The following ADGRB3 variants were observed in gnomAD, a reference collection of about 807,000 sequenced individuals.
The protein encoded by ADGRB3 is brain-specific angiogenesis inhibitor 3.
ADGRB3 carries 37 observed loss-of-function variants against 193.4 expected under a neutral mutation model. The observed-to-expected ratio is 0.19, with a 90% CI of 0.15 to 0.25. The LOEUF is 0.25. Among genes scored for constraint, ADGRB3 ranks in the 10% least tolerant of loss-of-function variants. ADGRB3 has a pLI of 1.00. For missense variants in ADGRB3, 1,637 were observed against 1,852.9 expected (o/e 0.88, Z 2.14); for synonymous variants, 690 against 644.2 (o/e 1.07, Z -1.08).
intron 11 of ADGRB3, among the ~76,000 whole-genome samples, chr6:69,005,122 G>A (rs1025175251): frequency 6.6e-6 from 1 of 152,036 alleles, no homozygotes; most frequent in East Asian, 1.9e-4. Flanking sequence ...AACATTGGGT[G>A]TTCTCCCAGG....
intron 26 of ADGRB3, among the ~76,000 whole-genome samples, chr6:69,351,164 G>A (rs776375141): frequency 2.3e-4 from 35 of 150,762 alleles, no homozygotes; most frequent in Non-Finnish European, 4.7e-4. Flanking sequence ...CACAATCTCG[G>A]CTCACTGCAA....
At chr6:68,868,074 G>A (rs1264226109) in intron 3 of ADGRB3, among the ~76,000 whole-genome samples, 1 of 152,154 alleles carries the variant, frequency 6.6e-6, no homozygotes, top group Non-Finnish European at 1.5e-5. Flanking sequence ...AAGGACATGA[G>A]ATTTGAGAGG....
intron 20 of ADGRB3, among the ~76,000 whole-genome samples, chr6:69,275,592 A>T (rs908844141): frequency 2.6e-5 from 4 of 152,018 alleles, no homozygotes; most frequent in African/African-American, 9.7e-5. Context: ...TATGATCCAG[A>T]CACCAGTATA....
intron 3 of ADGRB3, among the ~76,000 whole-genome samples, chr6:68,836,551 T>G (rs1241387305): frequency 6.6e-6 from 1 of 152,148 alleles, no homozygotes; most frequent in Non-Finnish European, 1.5e-5. Flanking sequence ...TCAAATGTGG[T>G]CAGTGCCCTC....
intron 20 of ADGRB3, among the ~76,000 whole-genome samples, chr6:69,263,771 T>G (rs1766977407): frequency 6.6e-6 from 1 of 151,850 alleles, no homozygotes. Context: ...TCATATAATG[T>G]TGTTGGAGGG....
intron 3 of ADGRB3, among the ~76,000 whole-genome samples, chr6:68,691,923 A>C (rs986986063): frequency 5.9e-5 from 9 of 151,648 alleles, no homozygotes; most frequent in Non-Finnish European, 1.3e-4. Context: ...TTGCTTAATA[A>C]ATTTCAAATA....
chr6:69,250,246 T>C (rs1766591474), intron 20 of ADGRB3, among the ~76,000 whole-genome samples: 1 of 152,222 alleles, frequency 6.6e-6, no homozygotes, highest in Non-Finnish European at 1.5e-5. Flanking sequence ...TATTTTAAGG[T>C]GATTTTTCCT....
chr6:68,976,704 G>A (rs1209729947), intron 10 of ADGRB3, among the ~76,000 whole-genome samples: 1 of 152,100 alleles, frequency 6.6e-6, no homozygotes, highest in Non-Finnish European at 1.5e-5. Flanking sequence ...AGTGGAAGTG[G>A]ATTATTATAA....
At chr6:69,135,656 G>C (rs1024803892) in intron 17 of ADGRB3, among the ~76,000 whole-genome samples, 20 of 151,996 alleles carry the variant, frequency 1.3e-4, no homozygotes, top group African/African-American at 4.6e-4. Flanking sequence ...GCAGTTTCCT[G>C]CATCTAAATC....
At chr6:69,268,237 T>C (rs1192218562) in intron 20 of ADGRB3, among the ~76,000 whole-genome samples, 2 of 152,198 alleles carry the variant, frequency 1.3e-5, no homozygotes, top group Non-Finnish European at 2.9e-5. Context: ...TATAATATTT[T>C]ATGTTTTCGT....
At chr6:69,333,436 C>T (rs1768769128) in intron 24 of ADGRB3, among the ~76,000 whole-genome samples, 1 of 151,940 alleles carries the variant, frequency 6.6e-6, no homozygotes, top group Non-Finnish European at 1.5e-5. Flanking sequence ...TTTTCTTTGA[C>T]TAATTGTATA....
At chr6:69,030,055 C>G (rs971465216) in intron 13 of ADGRB3, among the ~76,000 whole-genome samples, 1 of 151,092 alleles carries the variant, frequency 6.6e-6, no homozygotes, top group Non-Finnish European at 1.5e-5. Context: ...AAATCAAAAC[C>G]ACAATGAGAT....
chr6:69,172,298 GATCCCTGCT>G (rs1188487530), intron 17 of ADGRB3, among the ~76,000 whole-genome samples: 1 of 152,030 alleles, frequency 6.6e-6, no homozygotes, highest in Non-Finnish European at 1.5e-5. Flanking sequence ...ATACAGACGA[GATCCCTGCT>G]ATCGGGAGAC....
At chr6:69,103,316 C>T (rs546215968) in intron 17 of ADGRB3, among the ~76,000 whole-genome samples, 103 of 152,088 alleles carry the variant, frequency 6.8e-4, no homozygotes, top group African/African-American at 2.4e-3. Flanking sequence ...AATACCATGT[C>T]AATATATAAA....
intron 3 of ADGRB3, among the ~76,000 whole-genome samples, chr6:68,810,641 G>A (rs973329302): frequency 1.3e-5 from 2 of 152,100 alleles, no homozygotes; most frequent in Non-Finnish European, 2.9e-5. Flanking sequence ...GTTGCACAAT[G>A]CATGAGATAA....
At chr6:69,330,442 C>A in intron 22 of ADGRB3, 64 bp from the exon 23 acceptor site, 1 of 1,257,060 alleles carries the variant, frequency 8.0e-7, no homozygotes, top group Non-Finnish European at 1.1e-6. Flanking sequence ...TTGTTTGTAT[C>A]ACACGTTAGT....
At chr6:69,296,433 G>C (rs1016872747) in intron 20 of ADGRB3, among the ~76,000 whole-genome samples, 1 of 151,670 alleles carries the variant, frequency 6.6e-6, no homozygotes, top group Non-Finnish European at 1.5e-5. Flanking sequence ...TGCATATTTC[G>C]GGACATGGCA....
intron 3 of ADGRB3, among the ~76,000 whole-genome samples, chr6:68,808,927 C>G (rs556497497): frequency 3.5e-4 from 53 of 152,266 alleles, no homozygotes; most frequent in Non-Finnish European, 7.4e-4. Context: ...TATACCAAGT[C>G]AGAGTCCTTT....
chr6:68,876,930 G>A (rs1582275948), intron 3 of ADGRB3, among the ~76,000 whole-genome samples: 1 of 151,556 alleles, frequency 6.6e-6, no homozygotes. Context: ...CACCCATAAT[G>A]CATTGAAAAA....
Sources: allele counts gnomAD v4.1 joint callset (sites outside exome capture counted in the v4.1 genomes callset), GRCh38; gene constraint gnomAD v4.1.1; transcripts MANE v1.5; gene names NCBI Gene and HGNC (gene_info 2026-07-23, HGNC 2026-07-21).